The following FAAH2 variants were observed in gnomAD, a reference collection of about 807,000 sequenced individuals.
The protein encoded by FAAH2 is fatty acid amide hydrolase 2.
Under a neutral mutation model 36.9 loss-of-function variants are expected in FAAH2, and 60 were observed. The ratio of observed to expected loss-of-function variants is 1.63; its 90% CI spans 1.32 to 2.02. FAAH2 has a LOEUF of 2.02. FAAH2 is among the 30% of genes most tolerant of loss of function. The pLI is 0.00. For synonymous variants in FAAH2, 214 were observed against 143.8 expected, an observed-to-expected ratio of 1.49 and a Z score of -3.49; for missense variants, 689 against 397.5, an observed-to-expected ratio of 1.73 and a Z score of -6.23.
intron 7 of FAAH2, among the ~76,000 whole-genome samples, chrX:57,409,107 G>A (rs1344925592): frequency 9.0e-6 from 1 of 111,375 alleles, no homozygotes; most frequent in African/African-American, 3.3e-5. Context: ...TGGTAAGTAT[G>A]TGTTTATCCA....
At chrX:57,217,246 TG>T in the FAAH2 span, among the ~76,000 whole-genome samples, 11 of 81,684 alleles carry the variant, frequency 1.3e-4, no homozygotes, top group Admixed American at 7.9e-4. Flanking sequence ...CTTTGACGAC[TG>T]TTTTTTTTTT....
the FAAH2 span, among the ~76,000 whole-genome samples, chrX:57,274,290 C>T: frequency 3.6e-5 from 4 of 111,707 alleles, no homozygotes; most frequent in South Asian, 1.5e-3. Flanking sequence ...CCAAAAAAGT[C>T]CAGGACCAGA....
chrX:57,154,713 G>C, the FAAH2 span, among the ~76,000 whole-genome samples: 4 of 110,847 alleles, frequency 3.6e-5, no homozygotes, highest in Non-Finnish European at 5.7e-5. Flanking sequence ...TTGCTGGTGA[G>C]CTAGTGTAAT....
the FAAH2 span, among the ~76,000 whole-genome samples, chrX:57,130,893 A>G: frequency 3.6e-5 from 4 of 112,165 alleles, no homozygotes; most frequent in Non-Finnish European, 5.6e-5. Context: ...ATTCTCAGGT[A>G]TATTGTACAA....
chrX:57,240,530 C>T, the FAAH2 span, among the ~76,000 whole-genome samples: 26 of 111,369 alleles, frequency 2.3e-4, no homozygotes, highest in African/African-American at 8.2e-4. Context: ...GATCGGTGTG[C>T]AAGTGTGTAT....
chrX:57,481,374 G>A (rs186351519), intron 10 of FAAH2, among the ~76,000 whole-genome samples: 2 of 111,639 alleles, frequency 1.8e-5, no homozygotes, highest in East Asian at 5.7e-4. Flanking sequence ...TCATCTTCAT[G>A]TATTTATTTA....
chrX:57,235,693 G>A, the FAAH2 span, among the ~76,000 whole-genome samples: 1 of 111,966 alleles, frequency 8.9e-6, no homozygotes, highest in Non-Finnish European at 1.9e-5. Flanking sequence ...TTATTTTCAA[G>A]TGTTTGTCTT....
intron 7 of FAAH2, among the ~76,000 whole-genome samples, chrX:57,417,565 G>A (rs773329372): frequency 1.2e-4 from 13 of 112,278 alleles, no homozygotes; most frequent in South Asian, 3.7e-4. Context: ...GGAGGCTGCA[G>A]AATAGCAAAG....
intron 10 of FAAH2, among the ~76,000 whole-genome samples, chrX:57,450,406 A>AAGGGTC (rs1171061769): frequency 7.2e-5 from 8 of 111,475 alleles, no homozygotes. Flanking sequence ...AAAGTGATTT[A>AAGGGTC]AGGGTCAGGG....
At chrX:57,399,083 G>A (rs1431318082) in intron 7 of FAAH2, among the ~76,000 whole-genome samples, 1 of 111,553 alleles carries the variant, frequency 9.0e-6, no homozygotes, top group Non-Finnish European at 1.9e-5. Context: ...CTTAGTCATG[G>A]ACTGCAACTG....
chrX:57,354,008 G>A (rs931402959), intron 5 of FAAH2, among the ~76,000 whole-genome samples: 4 of 110,588 alleles, frequency 3.6e-5, no homozygotes, highest in African/African-American at 1.3e-4. Context: ...ATATAAACAA[G>A]TGTAGTCTGT....
At chrX:57,468,234 A>G (rs1198824155) in intron 10 of FAAH2, among the ~76,000 whole-genome samples, 1 of 112,142 alleles carries the variant, frequency 8.9e-6, no homozygotes, top group Non-Finnish European at 1.9e-5. Flanking sequence ...GCAATGGAAC[A>G]AAGCTGGATG....
the FAAH2 span, among the ~76,000 whole-genome samples, chrX:57,201,333 G>C: frequency 9.1e-6 from 1 of 110,293 alleles, no homozygotes; most frequent in East Asian, 2.9e-4. Flanking sequence ...GCAGAGAATT[G>C]CTTGAACCAG....
the FAAH2 span, among the ~76,000 whole-genome samples, chrX:57,222,397 TA>T: frequency 2.8e-3 from 316 of 111,555 alleles, 1 homozygote; most frequent in African/African-American, 9.7e-3. Flanking sequence ...ACAGATGATG[TA>T]AAGTTGCATT....
chrX:57,302,555 T>C (rs776761396), intron 2 of FAAH2, among the ~76,000 whole-genome samples: 61 of 110,697 alleles, frequency 5.5e-4, no homozygotes, highest in Middle Eastern at 4.2e-3. Flanking sequence ...TACTGTGGTA[T>C]CATAGAGAAG....
At chrX:57,241,566 G>A in the FAAH2 span, among the ~76,000 whole-genome samples, 2 of 111,493 alleles carry the variant, frequency 1.8e-5, no homozygotes, top group South Asian at 7.6e-4. Context: ...TATTTCAATA[G>A]TTTTGGCGGT....
chrX:57,360,316 C>G (rs555808511), intron 5 of FAAH2, among the ~76,000 whole-genome samples: 1 of 110,609 alleles, frequency 9.0e-6, no homozygotes. Context: ...ATACATTTGT[C>G]CGGTTGATGG....
At chrX:57,280,502 T>C in the FAAH2 span, among the ~76,000 whole-genome samples, 5 of 104,718 alleles carry the variant, frequency 4.8e-5, no homozygotes, top group African/African-American at 1.9e-4. Flanking sequence ...TATGTTAAGC[T>C]ATCACTTTAC....
intron 5 of FAAH2, among the ~76,000 whole-genome samples, chrX:57,354,195 A>G (rs1414477922): frequency 9.0e-6 from 1 of 111,289 alleles, no homozygotes; most frequent in Non-Finnish European, 1.9e-5. Context: ...CTAAGTGTTC[A>G]TCAACATATG....
Sources: gnomAD v4.1 joint callset for allele counts (sites outside exome capture counted in the v4.1 genomes callset) on GRCh38, gnomAD v4.1.1 for gene constraint, MANE v1.5 for transcripts, NCBI Gene and HGNC (gene_info 2026-07-23, HGNC 2026-07-21) for gene names.